FLT1: variants seen among roughly 807,000 people sequenced by gnomAD.
FLT1 encodes fms related receptor tyrosine kinase 1.
Under a neutral mutation model 156.3 loss-of-function variants are expected in FLT1, and 49 were observed. The ratio of observed to expected loss-of-function variants is 0.31; its 90% CI spans 0.25 to 0.40. FLT1 has a LOEUF of 0.40. Among genes scored for constraint, FLT1 ranks in the 10% least tolerant of loss-of-function variants. The pLI is 1.00. For missense variants in FLT1, 1,322 were observed against 1,637.2 expected, an observed-to-expected ratio of 0.81 and a Z score of 3.32; for synonymous variants, 594 against 583.8, an observed-to-expected ratio of 1.02 and a Z score of -0.25.
chr13:28,373,800 A>C (rs1873726360), intron 14 of FLT1, among the ~76,000 whole-genome samples: 1 of 152,134 alleles, frequency 6.6e-6, no homozygotes, highest in African/African-American at 2.4e-5. Flanking sequence ...ACAGCCTCTG[A>C]GAGATCTCTG....
chr13:28,411,560 A>C (rs1876186355), intron 10 of FLT1, among the ~76,000 whole-genome samples: 2 of 151,916 alleles, frequency 1.3e-5, no homozygotes, highest in South Asian at 2.1e-4. Context: ...AAAAAAAAAA[A>C]AAAAAAAACT....
chr13:28,368,221 C>T (rs1873374807), intron 14 of FLT1: 6 of 277,366 alleles, frequency 2.2e-5, no homozygotes, highest in South Asian at 2.2e-4. Context: ...TACACGATCT[C>T]GGCTCCCTGC....
chr13:28,364,869 T>C (rs1331136015), intron 14 of FLT1, among the ~76,000 whole-genome samples: 2 of 152,208 alleles, frequency 1.3e-5, no homozygotes, highest in Non-Finnish European at 2.9e-5. Flanking sequence ...CATCTTGATA[T>C]CTGGTATGGC....
At chr13:28,477,502 G>A (rs562854069) in intron 1 of FLT1, among the ~76,000 whole-genome samples, 10 of 152,292 alleles carry the variant, frequency 6.6e-5, no homozygotes, top group Middle Eastern at 3.4e-3. Context: ...AGCTGCCTAG[G>A]GCAAAGGTCA....
At chr13:28,348,255 C>A (rs142452417) in intron 15 of FLT1, among the ~76,000 whole-genome samples, 1 of 152,326 alleles carries the variant, frequency 6.6e-6, no homozygotes, top group African/African-American at 2.4e-5. Flanking sequence ...CCAGAGTGAT[C>A]TTGCCAAATC....
intron 1 of FLT1, 122 bp from the exon 2 acceptor site, chr13:28,467,739 T>A: frequency 1.1e-5 from 7 of 626,508 alleles, no homozygotes; most frequent in Non-Finnish European, 1.4e-5. Context: ...TTTACTTGTA[T>A]CTTTAATTTA....
chr13:28,462,653 G>C (rs1171527421), intron 3 of FLT1, among the ~76,000 whole-genome samples: 1 of 152,184 alleles, frequency 6.6e-6, no homozygotes, highest in African/African-American at 2.4e-5. Flanking sequence ...TTGCATCAAG[G>C]TAATTTAGTG....
intron 3 of FLT1, among the ~76,000 whole-genome samples, chr13:28,448,311 G>T (rs1878729808): frequency 6.6e-6 from 1 of 152,178 alleles, no homozygotes; most frequent in African/African-American, 2.4e-5. Context: ...GTACACAAAT[G>T]TTTACTGTAG....
At chr13:28,467,169 G>T in intron 2 of FLT1, 40 bp from the exon 3 acceptor site, 1 of 1,489,704 alleles carries the variant, frequency 6.7e-7, no homozygotes, top group Non-Finnish European at 9.3e-7. Context: ...ATTTATGGCT[G>T]GGCCCTAGGC....
At chr13:28,358,453 C>T (rs1872984891) in intron 14 of FLT1, among the ~76,000 whole-genome samples, 1 of 152,124 alleles carries the variant, frequency 6.6e-6, no homozygotes, top group African/African-American at 2.4e-5. Context: ...GCCCATGGTA[C>T]ATAGTAAGTG....
At chr13:28,321,818 C>T (rs1192546986) in intron 22 of FLT1, among the ~76,000 whole-genome samples, 2 of 152,254 alleles carry the variant, frequency 1.3e-5, no homozygotes, top group Admixed American at 6.5e-5. Context: ...ATTTGATCAG[C>T]GAAGCTGGTT....
At chr13:28,383,489 C>G (rs535421450) in intron 14 of FLT1, among the ~76,000 whole-genome samples, 1 of 152,114 alleles carries the variant, frequency 6.6e-6, no homozygotes, top group African/African-American at 2.4e-5. Context: ...TGATGAAACC[C>G]CATCTCTACT....
intron 29 of FLT1, among the ~76,000 whole-genome samples, chr13:28,305,688 G>C (rs552467736): frequency 2.0e-5 from 3 of 152,214 alleles, no homozygotes; most frequent in Non-Finnish European, 4.4e-5. Flanking sequence ...TGCCCAACTT[G>C]TGGCCCACGG....
At chr13:28,368,626 TGATGAC>T (rs1873407521) in intron 14 of FLT1, 2 of 1,334,624 alleles carry the variant, frequency 1.5e-6, no homozygotes, top group African/African-American at 1.5e-5. Flanking sequence ...ACAATGGTGA[TGATGAC>T]GATGACGATG....
chr13:28,482,723 C>CT (rs1880933159), intron 1 of FLT1, among the ~76,000 whole-genome samples: 1 of 152,154 alleles, frequency 6.6e-6, no homozygotes, highest in African/African-American at 2.4e-5. Flanking sequence ...ATTTTACTCC[C>CT]TCTAAGAAAA....
At chr13:28,321,045 C>T (rs548659767) in intron 23 of FLT1, among the ~76,000 whole-genome samples, 10 of 152,252 alleles carry the variant, frequency 6.6e-5, no homozygotes, top group South Asian at 2.1e-4. Context: ...CGGTCTTCCC[C>T]GCCCTTTCCT....
chr13:28,450,262 G>C (rs895389760), intron 3 of FLT1, among the ~76,000 whole-genome samples: 3 of 152,162 alleles, frequency 2.0e-5, no homozygotes, highest in African/African-American at 4.8e-5. Context: ...AAGGGAAGTA[G>C]GGACCTCATT....
chr13:28,303,781 T>G (rs1870619939), intron 29 of FLT1, among the ~76,000 whole-genome samples: 2 of 152,176 alleles, frequency 1.3e-5, no homozygotes, highest in South Asian at 4.1e-4. Context: ...CCTCCAGAAC[T>G]GCAAGAGAAT....
chr13:28,476,245 T>C (rs1376113375), intron 1 of FLT1, among the ~76,000 whole-genome samples: 1 of 152,142 alleles, frequency 6.6e-6, no homozygotes, highest in Admixed American at 6.5e-5. Flanking sequence ...AGGTTTTTGG[T>C]GTGTGCTTTA....
Sources: allele counts gnomAD v4.1 joint callset (sites outside exome capture counted in the v4.1 genomes callset), GRCh38; gene constraint gnomAD v4.1.1; transcripts MANE v1.5; gene names NCBI Gene and HGNC (gene_info 2026-07-23, HGNC 2026-07-21).